The following MAML2 variants were observed in gnomAD, a reference collection of about 807,000 sequenced individuals.
The protein encoded by MAML2 is mastermind like transcriptional coactivator 2.
In MAML2, 22 loss-of-function variants were observed where a neutral mutation model predicts 96.1. The observed-to-expected ratio is 0.23, with a 90% CI of 0.16 to 0.33. The LOEUF (loss-of-function observed/expected upper bound fraction) is 0.33. Among genes scored for constraint, MAML2 ranks in the 10% least tolerant of loss-of-function variants. The probability of loss-of-function intolerance (pLI) is 1.00; values close to 1 mark genes in which losing one functional copy is unlikely to be tolerated. For synonymous variants in MAML2, 561 were observed against 521.3 expected (o/e 1.08, Z -1.04); for missense variants, 1,367 against 1,392.4 (o/e 0.98, Z 0.29).
intron 1 of MAML2, among the ~76,000 whole-genome samples, chr11:96,260,907 G>A (rs371485329): frequency 1.3e-5 from 2 of 152,132 alleles, no homozygotes; most frequent in African/African-American, 2.4e-5. Flanking sequence ...GGGGGACAGC[G>A]TAGCTTTGAA....
chr11:96,084,216 C>T lies in MAML2; in HGVS notation c.2139+7676G>A, dbSNP rs575507559. ...TGAAAACCAATGACTTTGGAGACTT[C>T]GGCAGGATTCAGATCATACAGGGCT... is the stretch of plus-strand genomic sequence containing the variant. On this transcript the variant is annotated intron_variant, in intron 2 of 4. Coordinates refer to ENST00000524717, the MANE Select transcript of MAML2 (RefSeq NM_032427.4). 5.5e-4 allele frequency among the ~76,000 whole-genome samples: 83 copies of T among 152,146 alleles called. No individual in the cohort carries two copies. The Middle Eastern group carries it at 0.017, about 31-fold the overall frequency.
intron 1 of MAML2, among the ~76,000 whole-genome samples, chr11:96,207,263 A>C (rs1357798891): frequency 6.6e-6 from 1 of 152,154 alleles, no homozygotes; most frequent in East Asian, 1.9e-4. Flanking sequence ...TTAATTATTC[A>C]CTGGCCCATC....
At chr11:96,214,604 A>G (rs1278634482) in intron 1 of MAML2, among the ~76,000 whole-genome samples, 1 of 152,098 alleles carries the variant, frequency 6.6e-6, no homozygotes, top group Non-Finnish European at 1.5e-5. Flanking sequence ...AACCAAGAAA[A>G]CTCCAGGAAC....
chr11:96,039,053 C>A (rs1046677679), intron 2 of MAML2, among the ~76,000 whole-genome samples: 1 of 152,042 alleles, frequency 6.6e-6, no homozygotes, highest in African/African-American at 2.4e-5. Flanking sequence ...GAGTTTGAGA[C>A]CAGCTTAGGC....
intron 2 of MAML2, among the ~76,000 whole-genome samples, chr11:96,047,826 C>T (rs1003621914): frequency 7.1e-6 from 1 of 141,790 alleles, no homozygotes; most frequent in Non-Finnish European, 1.5e-5. Flanking sequence ...GCAGGAGAAT[C>T]GTTTGAACCC....
Position 96,124,205 on chromosome 11 carries a change from G to A in MAML2, c.514-30688C>T, listed in dbSNP as rs1427388355. 2.6e-5 allele frequency among the ~76,000 whole-genome samples: 4 copies of A among 151,212 alleles called. No individual in the cohort carries two copies. In the East Asian group the frequency reaches 5.8e-4, roughly 22 times the overall value. ...TCCTACACTATTTCCTCTAGGTTCT[G>A]TTTCTACCAATGTTCCAGAAGGCAT... On this transcript the variant is annotated intron_variant, in intron 1 of 4. Coordinates refer to ENST00000524717, the MANE Select transcript of MAML2 (RefSeq NM_032427.4).
intron 2 of MAML2, among the ~76,000 whole-genome samples, chr11:96,047,984 G>A (rs1033530943): frequency 4.0e-5 from 6 of 150,812 alleles, no homozygotes; most frequent in East Asian, 1.9e-4. Context: ...GTCTTGTTAA[G>A]TTATGAATGA....
chr11:96,076,277 C>T (rs1201193004), intron 2 of MAML2, among the ~76,000 whole-genome samples: 1 of 152,106 alleles, frequency 6.6e-6, no homozygotes, highest in Admixed American at 6.5e-5. Flanking sequence ...GAGAGAAACA[C>T]CAGCTTTGGA....
chr11:96,161,297 A>G (rs1490580745), intron 1 of MAML2, among the ~76,000 whole-genome samples: 1 of 152,240 alleles, frequency 6.6e-6, no homozygotes, highest in African/African-American at 2.4e-5. Flanking sequence ...CACAAAGGAA[A>G]TAGGCATTTG....
intron 1 of MAML2, among the ~76,000 whole-genome samples, chr11:96,172,512 G>A (rs1275164634): frequency 3.3e-5 from 5 of 152,212 alleles, no homozygotes; most frequent in Admixed American, 6.5e-5. Flanking sequence ...GTCCTCTTAC[G>A]CGAGAAGGAG....
In MAML2 at chr11:96,070,126, C is replaced by T. The variant is rs1028838657; in HGVS notation, c.2139+21766G>A. Among the ~76,000 whole-genome samples, 4 of 151,806 alleles carry T rather than the reference C, an allele frequency of 2.6e-5. 1 individual carries two copies. The highest frequency in any genetic ancestry group is 2.6e-4 in the Admixed American group (4 of 15,254). The stretch of plus-strand genomic sequence containing the variant: ...CTAACACAGTGAAACCCCGTCTCTA[C>T]TAAAAATACAAAAAATTAGCCGGCG... On this transcript the variant is annotated intron_variant, in intron 2 of 4. Coordinates refer to ENST00000524717, the MANE Select transcript of MAML2 (RefSeq NM_032427.4).
chr11:96,183,773 A>C (rs1172636652), intron 1 of MAML2, among the ~76,000 whole-genome samples: 1 of 152,120 alleles, frequency 6.6e-6, no homozygotes, highest in African/African-American at 2.4e-5. Flanking sequence ...ATTGTGAAGA[A>C]ATTACAGAGT....
rs556216885 is a variant in MAML2, at chr11:96,047,844, G to T, written c.2139+44048C>A. 5.1e-4 allele frequency among the ~76,000 whole-genome samples: 74 copies of T among 144,884 alleles called. 1 individual carries two copies. Among genetic ancestry groups the T allele is most frequent in the African/African-American group, 1.7e-3 (68 of 39,898 alleles). The stretch of plus-strand genomic sequence containing the variant: ...GGAGAATCGTTTGAACCCAGGAGGC[G>T]GAGGTTGCAGTGAGCCAAGATCATG... On this transcript the variant is annotated intron_variant, in intron 2 of 4. Transcript: ENST00000524717.
intron 1 of MAML2, among the ~76,000 whole-genome samples, chr11:96,251,756 G>A (rs1170830704): frequency 6.8e-6 from 1 of 148,130 alleles, no homozygotes; most frequent in African/African-American, 2.5e-5. Context: ...TTTTGAGACG[G>A]AGTCTCACTC....
intron 1 of MAML2, among the ~76,000 whole-genome samples, chr11:96,258,196 A>G (rs544393215): frequency 4.3e-4 from 66 of 152,352 alleles, no homozygotes; most frequent in South Asian, 8.3e-4. Flanking sequence ...ACTGAAAGTG[A>G]AACTTATAAG....
chr11:96,115,038 G>A (rs865925625), intron 1 of MAML2, among the ~76,000 whole-genome samples: 4 of 152,278 alleles, frequency 2.6e-5, no homozygotes, highest in Middle Eastern at 3.4e-3. Context: ...GGACACGGAA[G>A]TTCATGGGCT....
At chr11:96,008,300 G>A (rs1858217908) in intron 2 of MAML2, among the ~76,000 whole-genome samples, 2 of 152,238 alleles carry the variant, frequency 1.3e-5, no homozygotes, top group South Asian at 4.1e-4. Flanking sequence ...ACTGTCCAGT[G>A]ATTTTTCAAT....
chr11:95,981,553 A>T lies in MAML2; in HGVS notation c.2456-1590T>A, dbSNP rs188074293. On this transcript the variant is annotated intron_variant, in intron 4 of 4. Coordinates refer to ENST00000524717, the MANE Select transcript of MAML2 (RefSeq NM_032427.4). ...TACGTAGGTGGTATACATCCTGAAA[A>T]ACTGAGGGCCAAATGAACACAGTAG... Among the ~76,000 whole-genome samples the T allele has an allele frequency of 1.9e-3, 283 of 152,298 alleles. 1 individual carries two copies. Among genetic ancestry groups the T allele is most frequent in the Non-Finnish European group, 2.7e-3 (187 of 68,022 alleles).
At chr11:96,170,747 C>G (rs1364588045) in intron 1 of MAML2, among the ~76,000 whole-genome samples, 1 of 152,156 alleles carries the variant, frequency 6.6e-6, no homozygotes, top group Admixed American at 6.5e-5. Flanking sequence ...TGGAGTCTTG[C>G]TCTGTCGCCC....
Sources: allele counts gnomAD v4.1 joint callset (sites outside exome capture counted in the v4.1 genomes callset), GRCh38; gene constraint gnomAD v4.1.1; transcripts MANE v1.5; gene names NCBI Gene and HGNC (gene_info 2026-07-23, HGNC 2026-07-21).